SLC35D4: variants seen among roughly 807,000 people sequenced by gnomAD.
SLC35D4 encodes solute carrier family 35 member D4, also known as UDP-N-acetylglucosamine transporter SLC35D4.
At chr18:23,364,433 C>A in the SLC35D4 span, among the ~76,000 whole-genome samples, 1 of 152,200 alleles carries the variant, frequency 6.6e-6, no homozygotes, top group South Asian at 2.1e-4. Context: ...CCACAAGGAG[C>A]ACAACCAATA....
the SLC35D4 span, among the ~76,000 whole-genome samples, chr18:23,427,712 A>G: frequency 2.5e-4 from 38 of 152,328 alleles, no homozygotes; most frequent in African/African-American, 9.1e-4. Flanking sequence ...ATAAAGACAC[A>G]TGCACACATA....
chr18:23,307,275 T>TTCCCC, the SLC35D4 span, among the ~76,000 whole-genome samples: 1 of 152,250 alleles, frequency 6.6e-6, no homozygotes, highest in Admixed American at 6.5e-5. Flanking sequence ...TAAAAATACA[T>TTCCCC]ACATATATAT....
the SLC35D4 span, among the ~76,000 whole-genome samples, chr18:23,308,045 A>T: frequency 1.2e-4 from 18 of 152,340 alleles, no homozygotes; most frequent in Non-Finnish European, 2.2e-4. Context: ...ATGGGCAGAA[A>T]GGAATGAATC....
At chr18:23,244,514 G>C in the SLC35D4 span, among the ~76,000 whole-genome samples, 3 of 152,256 alleles carry the variant, frequency 2.0e-5, no homozygotes, top group Non-Finnish European at 4.4e-5. Flanking sequence ...AGGATTAAAT[G>C]CCTAGAACAG....
At chr18:23,360,207 G>A in the SLC35D4 span, among the ~76,000 whole-genome samples, 1 of 152,186 alleles carries the variant, frequency 6.6e-6, no homozygotes, top group Non-Finnish European at 1.5e-5. Context: ...GGGTGGGAGT[G>A]GAAAATGGTA....
the SLC35D4 span, among the ~76,000 whole-genome samples, chr18:23,289,094 C>A: frequency 6.6e-6 from 1 of 152,192 alleles, no homozygotes; most frequent in Non-Finnish European, 1.5e-5. Context: ...GTCATCCCTA[C>A]TATTTTCTGT....
chr18:23,263,439 C>T, the SLC35D4 span, among the ~76,000 whole-genome samples: 1 of 152,182 alleles, frequency 6.6e-6, no homozygotes, highest in Admixed American at 6.5e-5. Flanking sequence ...GATGTGGGGC[C>T]CACGTCTGAG....
chr18:23,431,082 A>G, the SLC35D4 span, among the ~76,000 whole-genome samples: 2 of 135,868 alleles, frequency 1.5e-5, no homozygotes, highest in Non-Finnish European at 3.1e-5. Context: ...TGAACCTAGG[A>G]GGCAGAGGTT....
the SLC35D4 span, chr18:23,253,101 T>G: frequency 8.5e-7 from 1 of 1,174,512 alleles, no homozygotes. Flanking sequence ...GACCTTTCCC[T>G]GCAAACCCCT....
chr18:23,307,390 C>G, the SLC35D4 span, among the ~76,000 whole-genome samples: 1 of 152,206 alleles, frequency 6.6e-6, no homozygotes, highest in Non-Finnish European at 1.5e-5. Flanking sequence ...GACCACAACC[C>G]AAATCCTTGG....
the SLC35D4 span, chr18:23,310,106 T>G: frequency 7.5e-5 from 43 of 573,378 alleles, no homozygotes; most frequent in Non-Finnish European, 8.4e-5. Context: ...GTCTCAGCAG[T>G]GCAGAACTCG....
the SLC35D4 span, among the ~76,000 whole-genome samples, chr18:23,301,108 T>C: frequency 6.6e-6 from 1 of 152,236 alleles, no homozygotes; most frequent in Non-Finnish European, 1.5e-5. Context: ...TCCCAAACTA[T>C]TTGGTCTAAA....
the SLC35D4 span, chr18:23,370,322 G>A: frequency 6.4e-7 from 1 of 1,552,742 alleles, no homozygotes; most frequent in African/African-American, 1.4e-5. Flanking sequence ...CTGCTGGCCT[G>A]TCCGGGGACA....
the SLC35D4 span, among the ~76,000 whole-genome samples, chr18:23,394,571 T>C: frequency 0.047 from 7,208 of 152,296 alleles, 249 homozygotes; most frequent in Non-Finnish European, 0.071. Context: ...TGAAGTCCAA[T>C]TACTCTATTT....
the SLC35D4 span, among the ~76,000 whole-genome samples, chr18:23,249,462 A>G: frequency 6.6e-6 from 1 of 152,276 alleles, no homozygotes; most frequent in South Asian, 2.1e-4. Context: ...GCACATAGAA[A>G]TCAGCTGGAA....
chr18:23,404,992 CAAAAAAAAAAAAAAAAAA>C, the SLC35D4 span, among the ~76,000 whole-genome samples: 1 of 44,480 alleles, frequency 2.2e-5, no homozygotes, highest in Middle Eastern at 0.017. Context: ...GACTCCGTCT[CAAAAAAAAAAAAAAAAAA>C]AAAAAAAAAA....
At chr18:23,240,359 T>C in the SLC35D4 span, among the ~76,000 whole-genome samples, 169 of 152,032 alleles carry the variant, frequency 1.1e-3, 1 homozygote, top group Admixed American at 2.5e-3. Context: ...CCCTTCCCCC[T>C]ACACACACAC....
chr18:23,262,242 A>ATGTAAAC, the SLC35D4 span, among the ~76,000 whole-genome samples: 1 of 152,238 alleles, frequency 6.6e-6, no homozygotes, highest in Non-Finnish European at 1.5e-5. Flanking sequence ...GGCCAAAAAG[A>ATGTAAAC]TGTAAACTGG....
At chr18:23,355,089 C>A in the SLC35D4 span, among the ~76,000 whole-genome samples, 1 of 152,144 alleles carries the variant, frequency 6.6e-6, no homozygotes, top group Non-Finnish European at 1.5e-5. Context: ...GGTGGAGCCT[C>A]TGAAATGAAA....
Sources: gnomAD v4.1 joint callset for allele counts (sites outside exome capture counted in the v4.1 genomes callset) on GRCh38, gnomAD v4.1.1 for gene constraint, MANE v1.5 for transcripts, NCBI Gene and HGNC (gene_info 2026-07-23, HGNC 2026-07-21) for gene names.